Variants in ST18 observed in about 807,000 individuals in gnomAD.
The protein encoded by ST18 is suppression of tumorigenicity 18 protein.
ST18 carries 50 observed loss-of-function variants against 110.0 expected under a neutral mutation model. The observed-to-expected ratio is 0.45, with a 90% CI of 0.36 to 0.58. The LOEUF (loss-of-function observed/expected upper bound fraction) is 0.58. Ranked by LOEUF, ST18 falls within the 20% of genes least tolerant of loss-of-function variation. The pLI, the probability that ST18 is intolerant of heterozygous loss-of-function variation, is 0.00. For synonymous variants in ST18, 461 were observed against 452.4 expected, an observed-to-expected ratio of 1.02 and a Z score of -0.24; for missense variants, 1,306 against 1,280.1, an observed-to-expected ratio of 1.02 and a Z score of -0.31.
At chr8:52,141,739 G>T (rs1227289805) in intron 17 of ST18, among the ~76,000 whole-genome samples, 4 of 152,152 alleles carry the variant, frequency 2.6e-5, no homozygotes, top group African/African-American at 4.8e-5. Flanking sequence ...CAACCCTAAG[G>T]CCCTGCCTAA....
chr8:52,404,737 T>C (rs1843879491), intron 2 of ST18: 2 of 152,220 alleles, frequency 1.3e-5, no homozygotes, highest in Admixed American at 6.5e-5. Flanking sequence ...TATCAACTTA[T>C]CTGAATTTTA....
chr8:52,218,554 ATT>A lies in ST18; in HGVS notation c.-156-655_-156-654del, dbSNP rs745791743. Reference sequence around the variant, plus strand: ...AGGTATGTGTCACCATGCCTGGCTAATTTTTTTTTTTTTTTTTTTTTTTTTAG... The same window carrying A: ...AGGTATGTGTCACCATGCCTGGCTAATTTTTTTTTTTTTTTTTTTTTTTAG... On this transcript the variant is annotated intron_variant, in intron 5 of 25. Coordinates refer to ENST00000689386, the MANE Select transcript of ST18 (RefSeq NM_001352837.2). Among the ~76,000 whole-genome samples the A allele has an allele frequency of 8.5e-3, 862 of 100,876 alleles. 5 individuals carry two copies. The highest frequency in any genetic ancestry group is 0.031 in the African/African-American group (776 of 24,916). The allele number at this position is 100,876 out of a possible 152,430, so 66.2% of individuals were successfully genotyped here.
intron 22 of ST18, among the ~76,000 whole-genome samples, chr8:52,127,219 C>G (rs922821288): frequency 6.6e-6 from 1 of 152,020 alleles, no homozygotes; most frequent in African/African-American, 2.4e-5. Context: ...TTATTCTACA[C>G]TAAGAGTCTA....
intron 2 of ST18, among the ~76,000 whole-genome samples, chr8:52,231,541 G>T (rs556039742): frequency 6.6e-6 from 1 of 151,618 alleles, no homozygotes; most frequent in South Asian, 2.1e-4. Flanking sequence ...GCAGTGGCAC[G>T]ATCTTGGCTC....
intron 2 of ST18, among the ~76,000 whole-genome samples, chr8:52,380,391 G>C (rs1230980087): frequency 6.6e-6 from 1 of 151,936 alleles, no homozygotes; most frequent in Non-Finnish European, 1.5e-5. Context: ...CATCTGTAAG[G>C]CTTCCAGTCA....
chr8:52,393,685 C>G (rs13275022), intron 2 of ST18: 127,636 of 151,966 alleles, frequency 0.84, 56,340 homozygotes, highest in Non-Finnish European at 0.97. Flanking sequence ...GATTCTGAGA[C>G]CAGCCTGGCC....
chr8:52,189,611 G>A (rs2073774254), intron 8 of ST18, among the ~76,000 whole-genome samples: 1 of 152,156 alleles, frequency 6.6e-6, no homozygotes. Flanking sequence ...CAATGGTGAA[G>A]GTCTCCCTAG....
chr8:52,247,269 G>A (rs2093939198), intron 2 of ST18, among the ~76,000 whole-genome samples: 1 of 152,122 alleles, frequency 6.6e-6, no homozygotes, highest in African/African-American at 2.4e-5. Flanking sequence ...AGTAGATAAA[G>A]CCATGCATAT....
chr8:52,282,539 T>G (rs998723087), intron 2 of ST18, among the ~76,000 whole-genome samples: 7 of 152,164 alleles, frequency 4.6e-5, no homozygotes, highest in African/African-American at 1.7e-4. Flanking sequence ...GTGAGGAAGC[T>G]GGGCAGGTGC....
At chr8:52,128,675 C>T (rs1444184357) in intron 22 of ST18, among the ~76,000 whole-genome samples, 2 of 152,096 alleles carry the variant, frequency 1.3e-5, no homozygotes, top group Non-Finnish European at 2.9e-5. Context: ...GCACTAGTGC[C>T]TGTGACACCT....
intron 2 of ST18, among the ~76,000 whole-genome samples, chr8:52,349,568 C>T (rs1423568307): frequency 1.3e-5 from 2 of 152,112 alleles, no homozygotes; most frequent in Non-Finnish European, 2.9e-5. Flanking sequence ...TTTCCTATAC[C>T]TAAGTAGTCA....
intron 2 of ST18, among the ~76,000 whole-genome samples, chr8:52,391,194 AC>A (rs1839211677): frequency 6.6e-6 from 1 of 151,688 alleles, no homozygotes; most frequent in Non-Finnish European, 1.5e-5. Context: ...GTGCGAACCC[AC>A]CCCCAGAGCC....
chr8:52,201,707 G>A (rs2078038217), intron 8 of ST18, among the ~76,000 whole-genome samples: 9 of 152,212 alleles, frequency 5.9e-5, no homozygotes, highest in Admixed American at 5.9e-4. Context: ...TCGTCTAAGA[G>A]TTCCTGGGTC....
At chr8:52,199,744 T>C (rs768859062) in intron 8 of ST18, among the ~76,000 whole-genome samples, 3 of 152,210 alleles carry the variant, frequency 2.0e-5, no homozygotes, top group Non-Finnish European at 4.4e-5. Flanking sequence ...TCTCTAGTCC[T>C]ATATATCCTT....
chr8:52,135,568 C>CAAAA (rs71252929), intron 19 of ST18, among the ~76,000 whole-genome samples: 421 of 52,880 alleles, frequency 8.0e-3, no homozygotes, highest in East Asian at 0.015. Context: ...AACTCCATCT[C>CAAAA]AAAAAAAAAA....
chr8:52,305,881 T>C (rs2095804587), intron 2 of ST18, among the ~76,000 whole-genome samples: 1 of 152,186 alleles, frequency 6.6e-6, no homozygotes, highest in African/African-American at 2.4e-5. Context: ...CTATGTCCTC[T>C]CAACTAAGCC....
At chr8:52,277,176 G>C (rs1345827237) in intron 2 of ST18, among the ~76,000 whole-genome samples, 1 of 152,230 alleles carries the variant, frequency 6.6e-6, no homozygotes, top group Non-Finnish European at 1.5e-5. Flanking sequence ...GAGGCCTCGG[G>C]AGCCGCAGGA....
At chr8:52,265,475 A>C (rs116031704) in intron 2 of ST18, among the ~76,000 whole-genome samples, 2,710 of 152,352 alleles carry the variant, frequency 0.018, 70 homozygotes, top group African/African-American at 0.063. Flanking sequence ...ACAGAGGGCA[A>C]GCAAGCTGAC....
intron 2 of ST18, among the ~76,000 whole-genome samples, chr8:52,382,350 G>T (rs1159902135): frequency 3.9e-5 from 6 of 152,052 alleles, no homozygotes; most frequent in Non-Finnish European, 5.9e-5. Context: ...GTTTAGTACA[G>T]ATATGGTTTA....
Sources: allele counts gnomAD v4.1 joint callset (sites outside exome capture counted in the v4.1 genomes callset), GRCh38; gene constraint gnomAD v4.1.1; transcripts MANE v1.5; gene names NCBI Gene and HGNC (gene_info 2026-07-23, HGNC 2026-07-21).